ITGA8: variants seen among roughly 807,000 people sequenced by gnomAD.
ITGA8 encodes the protein integrin alpha-8.
A neutral mutation model predicts 142.3 loss-of-function variants in ITGA8; 91 were observed. The ratio of observed to expected loss-of-function variants is 0.64; its 90% CI spans 0.54 to 0.76. The LOEUF (loss-of-function observed/expected upper bound fraction) is 0.76. ITGA8 is among the 30% of genes least tolerant of loss of function. The pLI is 0.00. For synonymous variants in ITGA8, 505 were observed against 485.2 expected (o/e 1.04, Z -0.54); for missense variants, 1,406 against 1,327.7 (o/e 1.06, Z -0.92).
intron 25 of ITGA8, among the ~76,000 whole-genome samples, chr10:15,564,853 A>G (rs985755313): frequency 3.3e-5 from 5 of 152,378 alleles, no homozygotes; most frequent in Middle Eastern, 3.4e-3. Context: ...TACTTTGCCT[A>G]TAATTAAACC....
At chr10:15,566,514 T>A (rs1564354849) in intron 25 of ITGA8, among the ~76,000 whole-genome samples, 1 of 151,980 alleles carries the variant, frequency 6.6e-6, no homozygotes, top group Non-Finnish European at 1.5e-5. Context: ...TCTTGCCAAT[T>A]AAAGAAAAAT....
chr10:15,692,935 A>G (rs1834961962), intron 2 of ITGA8, among the ~76,000 whole-genome samples: 1 of 152,170 alleles, frequency 6.6e-6, no homozygotes, highest in Non-Finnish European at 1.5e-5. Flanking sequence ...GGGCGCAGTG[A>G]TGCACATCTG....
At chr10:15,708,711 A>G (rs1476170892) in intron 2 of ITGA8, among the ~76,000 whole-genome samples, 1 of 152,224 alleles carries the variant, frequency 6.6e-6, no homozygotes, top group East Asian at 1.9e-4. Context: ...TTCCATAGTT[A>G]AACAAATTGG....
chr10:15,596,745 C>A, intron 21 of ITGA8: 1 of 156,726 alleles, frequency 6.4e-6, no homozygotes, highest in Non-Finnish European at 1.4e-5. Context: ...CTTTAAAATG[C>A]AAATACGTAC....
chr10:15,680,014 T>C (rs1313419104), intron 4 of ITGA8, among the ~76,000 whole-genome samples: 3 of 152,182 alleles, frequency 2.0e-5, no homozygotes, highest in African/African-American at 7.2e-5. Flanking sequence ...TATTCCTCAA[T>C]GGAAACTGAA....
chr10:15,684,206 A>G (rs1834795032), intron 3 of ITGA8, 79 bp from the exon 4 acceptor site: 2 of 1,441,918 alleles, frequency 1.4e-6, no homozygotes, highest in African/African-American at 1.4e-5. Flanking sequence ...TTATTGGTAT[A>G]ACAAACTGTT....
intron 26 of ITGA8, among the ~76,000 whole-genome samples, chr10:15,550,309 G>A (rs556079670): frequency 4.0e-4 from 61 of 152,190 alleles, no homozygotes; most frequent in African/African-American, 1.3e-3. Flanking sequence ...TATCAGCAGC[G>A]TGAAAATGGA....
chr10:15,688,302 C>CAAAAAAA (rs35060475), intron 2 of ITGA8, among the ~76,000 whole-genome samples: 1 of 112,798 alleles, frequency 8.9e-6, no homozygotes. Context: ...CAAAAAATAC[C>CAAAAAAA]AAAAAAAAAA....
At chr10:15,682,549 A>T (rs1251521542) in intron 4 of ITGA8, among the ~76,000 whole-genome samples, 1 of 152,178 alleles carries the variant, frequency 6.6e-6, no homozygotes, top group Non-Finnish European at 1.5e-5. Flanking sequence ...AATCCTCACT[A>T]AAAGCCATCA....
At chr10:15,536,064 C>T (rs956025382) in intron 27 of ITGA8, among the ~76,000 whole-genome samples, 1 of 151,848 alleles carries the variant, frequency 6.6e-6, no homozygotes, top group Non-Finnish European at 1.5e-5. Flanking sequence ...AAACTCTGAA[C>T]ACATCCGAAC....
chr10:15,621,431 A>G (rs1833489481), intron 13 of ITGA8, among the ~76,000 whole-genome samples: 2 of 152,312 alleles, frequency 1.3e-5, no homozygotes, highest in East Asian at 3.9e-4. Context: ...CATTACACCT[A>G]TGTTTTGTAT....
intron 13 of ITGA8, among the ~76,000 whole-genome samples, chr10:15,630,780 G>A (rs1833671543): frequency 2.6e-5 from 4 of 151,882 alleles, no homozygotes; most frequent in African/African-American, 9.7e-5. Flanking sequence ...CTAAACACAG[G>A]AGAAATTGAC....
intron 20 of ITGA8, among the ~76,000 whole-genome samples, chr10:15,601,788 CA>C (rs1188008576): frequency 6.6e-6 from 1 of 152,136 alleles, no homozygotes; most frequent in Non-Finnish European, 1.5e-5. Flanking sequence ...ACCTTACAAT[CA>C]GATAATGCCT....
intron 27 of ITGA8, among the ~76,000 whole-genome samples, chr10:15,540,775 C>T (rs1303305410): frequency 2.0e-5 from 3 of 152,086 alleles, no homozygotes; most frequent in African/African-American, 7.2e-5. Context: ...TGGTCACAAC[C>T]CTGATGACTA....
chr10:15,712,288 T>A (rs1835377181), intron 2 of ITGA8, among the ~76,000 whole-genome samples: 1 of 152,164 alleles, frequency 6.6e-6, no homozygotes, highest in East Asian at 1.9e-4. Context: ...TGCTCAAAAA[T>A]CCATGTTCAA....
chr10:15,677,771 TC>T, intron 5 of ITGA8, 134 bp from the exon 6 acceptor site: 1 of 662,406 alleles, frequency 1.5e-6, no homozygotes, highest in Non-Finnish European at 2.5e-6. Context: ...TTAAAAGAGA[TC>T]CTTCGGAGGC....
chr10:15,597,396 A>T, intron 20 of ITGA8, 97 bp from the exon 21 acceptor site: 1 of 917,578 alleles, frequency 1.1e-6, no homozygotes, highest in South Asian at 1.3e-5. Context: ...TGGATCTCAA[A>T]CACCCAGGAG....
chr10:15,542,558 TTATAG>T (rs1833591732), intron 27 of ITGA8, among the ~76,000 whole-genome samples: 1 of 152,194 alleles, frequency 6.6e-6, no homozygotes, highest in Non-Finnish European at 1.5e-5. Flanking sequence ...TATATAGTAG[TTATAG>T]TATAGTTATC....
intron 2 of ITGA8, among the ~76,000 whole-genome samples, chr10:15,707,064 C>G (rs1835273598): frequency 6.6e-6 from 1 of 152,186 alleles, no homozygotes; most frequent in Non-Finnish European, 1.5e-5. Flanking sequence ...GGTCCTTGCT[C>G]AGATATCACC....
Sources: gnomAD v4.1 joint callset for allele counts (sites outside exome capture counted in the v4.1 genomes callset) on GRCh38, gnomAD v4.1.1 for gene constraint, MANE v1.5 for transcripts, NCBI Gene and HGNC (gene_info 2026-07-23, HGNC 2026-07-21) for gene names.